NTNG1: variants seen among roughly 807,000 people sequenced by gnomAD.
NTNG1 encodes the protein netrin-G1.
NTNG1 carries 16 observed loss-of-function variants against 54.0 expected under a neutral mutation model. That is an observed-to-expected ratio of 0.30 (90% CI 0.20 to 0.45). NTNG1 has a LOEUF of 0.45. Among genes scored for constraint, NTNG1 ranks in the 20% least tolerant of loss-of-function variants. The pLI is 1.00. For missense variants in NTNG1, 530 were observed against 678.7 expected, an observed-to-expected ratio of 0.78 and a Z score of 2.43; for synonymous variants, 255 against 263.1, an observed-to-expected ratio of 0.97 and a Z score of 0.30.
chr1:107,422,629 A>T (rs184869945), intron 5 of NTNG1, among the ~76,000 whole-genome samples: 1 of 152,240 alleles, frequency 6.6e-6, no homozygotes, highest in East Asian at 1.9e-4. Flanking sequence ...AAAGACAAGG[A>T]AAATGCTAGA....
chr1:107,174,729 A>G (rs1025974702), intron 2 of NTNG1, among the ~76,000 whole-genome samples: 1 of 151,970 alleles, frequency 6.6e-6, no homozygotes, highest in Admixed American at 6.6e-5. Flanking sequence ...ACTTTTGGAG[A>G]TGAAATTTAG....
intron 3 of NTNG1, among the ~76,000 whole-genome samples, chr1:107,327,587 A>G (rs573157196): frequency 4.7e-4 from 72 of 152,232 alleles, no homozygotes; most frequent in African/African-American, 1.6e-3. Context: ...ATACAACTGA[A>G]GTTCTTGTTC....
intron 2 of NTNG1, among the ~76,000 whole-genome samples, chr1:107,273,186 G>A (rs761136429): frequency 6.6e-6 from 1 of 152,146 alleles, no homozygotes; most frequent in Non-Finnish European, 1.5e-5. Flanking sequence ...CAAGGTAGGG[G>A]GGTCCTGAAA....
At chr1:107,179,479 T>TA (rs1656906932) in intron 2 of NTNG1, among the ~76,000 whole-genome samples, 1 of 151,500 alleles carries the variant, frequency 6.6e-6, no homozygotes, top group Non-Finnish European at 1.5e-5. Flanking sequence ...TTTCAATGTA[T>TA]TTTTTTTAAA....
At chr1:107,239,651 G>A (rs896283506) in intron 2 of NTNG1, among the ~76,000 whole-genome samples, 1 of 152,178 alleles carries the variant, frequency 6.6e-6, no homozygotes, top group Non-Finnish European at 1.5e-5. Flanking sequence ...ACCCCTGACT[G>A]GTATAGGCCA....
rs1678781385 is a variant in NTNG1, at chr1:107,482,353, G to A, written c.*1513G>A. ...AGAGGAAATATCAAAATATAAAGCA[G>A]CAAGTAGACATAACTGCTGTTCCTG... On this transcript the variant is annotated 3_prime_UTR_variant, in exon 8 of 8. Coordinates refer to ENST00000370068, the MANE Select transcript of NTNG1 (RefSeq NM_001113226.3). 6.6e-6 allele frequency: 1 copy of A among 152,192 alleles called. No homozygotes were observed. The highest frequency in any genetic ancestry group is 2.1e-4 in the South Asian group (1 of 4,832). 9.4% of individuals were successfully genotyped at this position (152,192 alleles called of 1,614,324 possible). A position where few individuals can be genotyped will look rare whatever the true frequency, so the allele number is the denominator to read the frequency against.
chr1:107,451,028 T>C (rs1676589186), intron 7 of NTNG1, among the ~76,000 whole-genome samples: 1 of 152,094 alleles, frequency 6.6e-6, no homozygotes, highest in Admixed American at 6.6e-5. Context: ...TTGGTGACTG[T>C]TAATACCCTT....
intron 2 of NTNG1, among the ~76,000 whole-genome samples, chr1:107,187,989 T>C (rs1222435958): frequency 6.6e-6 from 1 of 152,186 alleles, no homozygotes; most frequent in African/African-American, 2.4e-5. Flanking sequence ...TTATGCTGCA[T>C]GATCATACAA....
At chr1:107,338,797 G>A (rs1038955500) in intron 3 of NTNG1, among the ~76,000 whole-genome samples, 7 of 151,042 alleles carry the variant, frequency 4.6e-5, no homozygotes, top group African/African-American at 1.2e-4. Context: ...TCTGTACTTA[G>A]AGGCAGCAGC....
intron 2 of NTNG1, among the ~76,000 whole-genome samples, chr1:107,226,920 G>T (rs1204175223): frequency 6.6e-6 from 1 of 152,076 alleles, no homozygotes; most frequent in African/African-American, 2.4e-5. Flanking sequence ...GATACTGCTT[G>T]GTGCAGCAAC....
At chr1:107,324,175 A>G in intron 2 of NTNG1, 107 bp from the exon 3 acceptor site, 1 of 1,000,340 alleles carries the variant, frequency 1.0e-6, no homozygotes, top group Non-Finnish European at 1.5e-6. Flanking sequence ...ATTACTGAAA[A>G]CAGATTTTTT....
intron 7 of NTNG1, among the ~76,000 whole-genome samples, chr1:107,455,295 C>T (rs577418140): frequency 6.6e-6 from 1 of 152,164 alleles, no homozygotes; most frequent in South Asian, 2.1e-4. Flanking sequence ...AACTCCTGAC[C>T]TCCAGTGATC....
At chr1:107,336,879 A>G (rs1018574913) in intron 3 of NTNG1, among the ~76,000 whole-genome samples, 3 of 152,040 alleles carry the variant, frequency 2.0e-5, no homozygotes, top group Non-Finnish European at 4.4e-5. Flanking sequence ...GATGCTCAAG[A>G]TCATTAGTCA....
In NTNG1 at chr1:107,480,962, TAAG is replaced by T. The variant is rs1678675192; in HGVS notation, c.*126_*128del. On this transcript the variant is annotated 3_prime_UTR_variant, in exon 8 of 8. Transcript: ENST00000370068. ...ACCCCCACTCAGACAGTGTACAAACTAAGAAGGCCTAACTGAACTAAGCCATAT... is the reference window on the plus strand; with the variant it reads ...ACCCCCACTCAGACAGTGTACAAACTAAGGCCTAACTGAACTAAGCCATAT... The T allele has an allele frequency of 1.4e-6, 1 of 706,990 alleles. No individual in the cohort carries two copies. Among genetic ancestry groups the T allele is most frequent in the African/African-American group, 1.8e-5 (1 of 56,412 alleles). 43.8% of individuals were successfully genotyped at this position (706,990 alleles called of 1,614,324 possible).
chr1:107,395,532 A>G, intron 4 of NTNG1: 2 of 739,510 alleles, frequency 2.7e-6, no homozygotes, highest in Non-Finnish European at 5.0e-6. Flanking sequence ...TCTAACATTC[A>G]CATCAAATGT....
intron 2 of NTNG1, among the ~76,000 whole-genome samples, chr1:107,229,526 T>C (rs908847289): frequency 6.6e-6 from 1 of 151,804 alleles, no homozygotes; most frequent in East Asian, 1.9e-4. Flanking sequence ...AGTTTTTTCA[T>C]TTGTTTTTAA....
intron 7 of NTNG1, among the ~76,000 whole-genome samples, chr1:107,473,649 G>T (rs922898261): frequency 3.9e-5 from 6 of 152,176 alleles, no homozygotes; most frequent in Admixed American, 2.6e-4. Flanking sequence ...ATCCAAGATG[G>T]TGCAAGAAAA....
chr1:107,172,804 A>C (rs1257587658), intron 2 of NTNG1, among the ~76,000 whole-genome samples: 1 of 152,174 alleles, frequency 6.6e-6, no homozygotes, highest in Non-Finnish European at 1.5e-5. Flanking sequence ...GTTATACCAG[A>C]AGAAAGATTT....
chr1:107,348,193 T>C (rs553334295), intron 3 of NTNG1, among the ~76,000 whole-genome samples: 1 of 152,106 alleles, frequency 6.6e-6, no homozygotes, highest in Admixed American at 6.5e-5. Flanking sequence ...TGGCATGGTC[T>C]TGGCTCACTG....
Sources: allele counts gnomAD v4.1 joint callset (sites outside exome capture counted in the v4.1 genomes callset), GRCh38; gene constraint gnomAD v4.1.1; transcripts MANE v1.5; gene names NCBI Gene and HGNC (gene_info 2026-07-23, HGNC 2026-07-21).